ULK2: variants seen among roughly 807,000 people sequenced by gnomAD.
ULK2 encodes serine/threonine-protein kinase ULK2.
In ULK2, 76 loss-of-function variants were observed where a neutral mutation model predicts 127.5. That is an observed-to-expected ratio of 0.60 (90% CI 0.50 to 0.72). The LOEUF (loss-of-function observed/expected upper bound fraction) is 0.72, where lower values mean the gene tolerates loss of function less well. ULK2 is among the 30% of genes least tolerant of loss of function. ULK2 has a pLI of 0.00. For synonymous variants in ULK2, 452 were observed against 461.9 expected (o/e 0.98, Z 0.28); for missense variants, 1,144 against 1,295.9 (o/e 0.88, Z 1.80).
At chr17:19,843,404 T>C (rs1362495272) in intron 7 of ULK2, among the ~76,000 whole-genome samples, 182 bp from the exon 8 acceptor site, 4 of 152,128 alleles carry the variant, frequency 2.6e-5, no homozygotes. Flanking sequence ...ATATTGAGAT[T>C]TACTAGTAAA....
chr17:19,820,053 A>ATTT (rs370116805), intron 12 of ULK2, among the ~76,000 whole-genome samples: 4 of 19,254 alleles, frequency 2.1e-4, no homozygotes, highest in African/African-American at 3.1e-4. Flanking sequence ...AACTTTATTT[A>ATTT]TTTTTTTTTT....
At chr17:19,852,924 A>T (rs1226729280) in intron 3 of ULK2, among the ~76,000 whole-genome samples, 2 of 152,068 alleles carry the variant, frequency 1.3e-5, no homozygotes, top group Middle Eastern at 3.2e-3. Flanking sequence ...TGCTGGGATT[A>T]CAGGCGTGAG....
intron 16 of ULK2, 101 bp downstream of exon 16, chr17:19,801,676 T>A: frequency 6.6e-7 from 1 of 1,512,830 alleles, no homozygotes; most frequent in African/African-American, 1.4e-5. Flanking sequence ...CAGCTGAGAA[T>A]CACTGCCATC....
intron 8 of ULK2, among the ~76,000 whole-genome samples, chr17:19,842,461 T>C (rs1052321185): frequency 6.6e-5 from 10 of 152,064 alleles, no homozygotes. Context: ...CCTCCCAAAG[T>C]GCTGGGATTA....
chr17:19,809,689 C>T (rs1376240355), intron 14 of ULK2, among the ~76,000 whole-genome samples: 7 of 148,848 alleles, frequency 4.7e-5, no homozygotes, highest in African/African-American at 1.2e-4. Flanking sequence ...GCCGACATCA[C>T]GCCATTGCAC....
At chr17:19,864,546 T>C (rs1300790614) in intron 3 of ULK2, among the ~76,000 whole-genome samples, 1 of 152,112 alleles carries the variant, frequency 6.6e-6, no homozygotes, top group Non-Finnish European at 1.5e-5. Context: ...GTATCAACAG[T>C]CCTCTACTTC....
chr17:19,829,485 C>G (rs1303369728), intron 10 of ULK2, among the ~76,000 whole-genome samples: 3 of 140,290 alleles, frequency 2.1e-5, no homozygotes, highest in African/African-American at 8.1e-5. Flanking sequence ...TTCAGTGAGC[C>G]AAGACTGCAC....
intron 18 of ULK2, 51 bp from the exon 19 acceptor site, chr17:19,796,333 T>C: frequency 6.7e-7 from 1 of 1,497,958 alleles, no homozygotes; most frequent in Non-Finnish European, 8.9e-7. Context: ...ATACGATGCA[T>C]GAACTATTCA....
chr17:19,784,674 C>T (rs2086991433), intron 21 of ULK2, among the ~76,000 whole-genome samples: 1 of 151,816 alleles, frequency 6.6e-6, no homozygotes, highest in African/African-American at 2.4e-5. Flanking sequence ...TAGGCGTATG[C>T]CACCATGTCT....
intron 13 of ULK2, among the ~76,000 whole-genome samples, chr17:19,815,259 TG>T (rs1468762810): frequency 6.6e-6 from 1 of 151,916 alleles, no homozygotes; most frequent in Admixed American, 6.6e-5. Context: ...TTTTTTTGTT[TG>T]TTTTTTTGTT....
intron 16 of ULK2, among the ~76,000 whole-genome samples, chr17:19,800,797 A>C (rs761726454): frequency 6.6e-6 from 1 of 152,084 alleles, no homozygotes; most frequent in Non-Finnish European, 1.5e-5. Context: ...CCCTGCGTGC[A>C]CCACCTGTTC....
Position 19,867,474 on chromosome 17 carries a change from T to TCAGCACCG in ULK2, c.-65_-58dup. ...CGGGCGGCGCAGTGCGGCGCAGGTA[T>TCAGCACCG]CAGCACCGCGGCTCCGCGGGCCCGG... On this transcript the variant is annotated 5_prime_UTR_variant, in exon 1 of 27. The change abolishes the stop of an existing upstream ORF in the 5' untranslated region. Transcript: ENST00000395544. 1 of 1,427,526 alleles carries TCAGCACCG rather than the reference T, an allele frequency of 7.0e-7. No individual in the cohort carries two copies. The highest frequency in any genetic ancestry group is 9.4e-7 in the Non-Finnish European group (1 of 1,067,702). 88.4% of individuals were successfully genotyped at this position (1,427,526 alleles called of 1,614,324 possible).
intron 20 of ULK2, among the ~76,000 whole-genome samples, chr17:19,791,844 CAAAAA>C (rs58434256): frequency 4.1e-5 from 2 of 48,252 alleles, no homozygotes; most frequent in Admixed American, 2.8e-4. Context: ...ACCCTGTTTA[CAAAAA>C]AAAAAAAAAA....
In ULK2 at chr17:19,816,804, A is replaced by G; in HGVS notation, c.1041T>C (p.Ser347=). Residue 347 remains serine, a synonymous_variant, in exon 13 of 27, where the codon TCT becomes TCC. Coordinates refer to ENST00000395544, the MANE Select transcript of ULK2 (RefSeq NM_014683.4). ...DSASTSSKNS[S]CDTDDFVLVP... ...CCAAAACAAAGTCATCCGTGTCACA[A>G]GAAGAGTTCTTGCTACTAGTACTGG... 2 of 1,610,952 alleles carry G rather than the reference A, an allele frequency of 1.2e-6. No homozygotes were observed. Among genetic ancestry groups the G allele is most frequent in the Non-Finnish European group, 1.7e-6 (2 of 1,179,124 alleles).
chr17:19,851,693 T>C (rs1255723521), intron 3 of ULK2, among the ~76,000 whole-genome samples: 1 of 151,592 alleles, frequency 6.6e-6, no homozygotes, highest in Non-Finnish European at 1.5e-5. Context: ...CACAAAACAG[T>C]TTCTTCTTCT....
chr17:19,782,317 C>G (rs1044949184), intron 22 of ULK2, among the ~76,000 whole-genome samples: 2 of 151,964 alleles, frequency 1.3e-5, no homozygotes, highest in East Asian at 3.9e-4. Flanking sequence ...CAGGATGGGT[C>G]GCTGTGCTTT....
At chr17:19,841,063 A>T (rs1435391931) in intron 9 of ULK2, among the ~76,000 whole-genome samples, 3 of 152,118 alleles carry the variant, frequency 2.0e-5, no homozygotes, top group African/African-American at 7.2e-5. Context: ...TCATCTCAAG[A>T]TACAAGTTCG....
chr17:19,824,318 C>T (rs1441070690), intron 12 of ULK2, among the ~76,000 whole-genome samples: 3 of 151,798 alleles, frequency 2.0e-5, no homozygotes, highest in East Asian at 1.9e-4. Context: ...TGGTGGTGTG[C>T]GCCTACAGTC....
At chr17:19,833,602 C>T (rs2041518932) in intron 10 of ULK2, among the ~76,000 whole-genome samples, 1 of 152,050 alleles carries the variant, frequency 6.6e-6, no homozygotes, top group Admixed American at 6.6e-5. Context: ...CCCAGCTATG[C>T]AGGAGGCTGA....
Sources: gnomAD v4.1 joint callset for allele counts (sites outside exome capture counted in the v4.1 genomes callset) on GRCh38, gnomAD v4.1.1 for gene constraint, MANE v1.5 for transcripts, NCBI Gene and HGNC (gene_info 2026-07-23, HGNC 2026-07-21) for gene names.